CCDC6: variants seen among roughly 807,000 people sequenced by gnomAD.
CCDC6 encodes the protein coiled-coil domain-containing protein 6.
A neutral mutation model predicts 56.6 loss-of-function variants in CCDC6; 20 were observed. That is an observed-to-expected ratio of 0.35 (90% confidence interval 0.25 to 0.51). CCDC6 has a LOEUF of 0.51. Among genes scored for constraint, CCDC6 ranks in the 20% least tolerant of loss-of-function variants. CCDC6 has a pLI of 0.95. For synonymous variants in CCDC6, 241 were observed against 234.4 expected (o/e 1.03, Z -0.26); for missense variants, 367 against 601.1 (o/e 0.61, Z 4.07).
At chr10:59,865,552 T>C (rs1001526767) in intron 1 of CCDC6, among the ~76,000 whole-genome samples, 10 of 152,162 alleles carry the variant, frequency 6.6e-5, no homozygotes, top group African/African-American at 1.9e-4. Flanking sequence ...TGTAAATTGA[T>C]TGCAAAAGAA....
At chr10:59,852,256 G>A (rs1168184000) in intron 2 of CCDC6, among the ~76,000 whole-genome samples, 3 of 152,128 alleles carry the variant, frequency 2.0e-5, no homozygotes, top group Non-Finnish European at 2.9e-5. Flanking sequence ...TTTGGCATTA[G>A]TCCCCATACT....
rs140808327 is a variant in CCDC6, at chr10:59,889,803, C to T, written c.303+16319G>A. Among the ~76,000 whole-genome samples, 718 of 152,258 alleles carry T rather than the reference C, an allele frequency of 4.7e-3. 5 individuals carry two copies. Among genetic ancestry groups the T allele is most frequent in the South Asian group, 9.5e-3 (46 of 4,820 alleles). Reference sequence around the variant, plus strand: ...AGGGGAGTTCCAACTTCTTGGTGACCGCAGCCCCTGGGCTCTGATGGCACT... The same window carrying T: ...AGGGGAGTTCCAACTTCTTGGTGACTGCAGCCCCTGGGCTCTGATGGCACT... On this transcript the variant is annotated intron_variant, in intron 1 of 8. Coordinates refer to ENST00000263102, the MANE Select transcript of CCDC6 (RefSeq NM_005436.5).
intron 1 of CCDC6, among the ~76,000 whole-genome samples, chr10:59,862,532 C>T (rs1244235495): frequency 0.027 from 2,871 of 104,768 alleles, 333 homozygotes; most frequent in African/African-American, 0.12. Flanking sequence ...CACACACACA[C>T]ACACACACAC....
intron 1 of CCDC6, among the ~76,000 whole-genome samples, chr10:59,901,110 A>T (rs1243317241): frequency 6.6e-6 from 1 of 152,184 alleles, no homozygotes; most frequent in Non-Finnish European, 1.5e-5. Context: ...TATATGAAAC[A>T]CATAGAAGAT....
At chr10:59,851,471 T>C (rs1483678574) in intron 2 of CCDC6, among the ~76,000 whole-genome samples, 1 of 152,160 alleles carries the variant, frequency 6.6e-6, no homozygotes, top group African/African-American at 2.4e-5. Context: ...ATTAACAGTG[T>C]CTTTATTCAG....
In CCDC6 at chr10:59,876,197, C is replaced by T. The variant is rs527972469; in HGVS notation, c.304-23495G>A. Among the ~76,000 whole-genome samples, 92 of 150,880 alleles carry T rather than the reference C, an allele frequency of 6.1e-4. 1 individual carries two copies. The highest frequency in any genetic ancestry group is 2.0e-3 in the Admixed American group (30 of 15,058). On this transcript the variant is annotated intron_variant, in intron 1 of 8. Coordinates refer to ENST00000263102, the MANE Select transcript of CCDC6 (RefSeq NM_005436.5). ...CCTAGTAGCTGGTATTAAAGGCATG[C>T]ACTACCATGCCCGGCTAGTTTTTGT...
At chr10:59,849,415 G>T (rs985198368) in intron 2 of CCDC6, among the ~76,000 whole-genome samples, 1 of 152,168 alleles carries the variant, frequency 6.6e-6, no homozygotes, top group African/African-American at 2.4e-5. Context: ...AGGGCAAAGG[G>T]ATTTACTCTC....
At chr10:59,821,477 A>T (rs1000216558) in intron 3 of CCDC6, among the ~76,000 whole-genome samples, 1 of 152,066 alleles carries the variant, frequency 6.6e-6, no homozygotes, top group African/African-American at 2.4e-5. Flanking sequence ...ACTGTCTTTT[A>T]AAAAAAAGAC....
chr10:59,891,328 G>A (rs569278628), intron 1 of CCDC6, among the ~76,000 whole-genome samples: 1 of 152,036 alleles, frequency 6.6e-6, no homozygotes, highest in Non-Finnish European at 1.5e-5. Context: ...ATTGAAAGGA[G>A]GGAAAAATTC....
chr10:59,835,577 T>G (rs2070875168), intron 2 of CCDC6, among the ~76,000 whole-genome samples: 1 of 152,236 alleles, frequency 6.6e-6, no homozygotes, highest in Admixed American at 6.5e-5. Flanking sequence ...TTCTGAGATC[T>G]AACTCTGTTT....
At chr10:59,801,706 A>C (rs926954706) in intron 7 of CCDC6, among the ~76,000 whole-genome samples, 1 of 152,104 alleles carries the variant, frequency 6.6e-6, no homozygotes, top group Non-Finnish European at 1.5e-5. Flanking sequence ...TTAGTCATTT[A>C]TTCATATCAG....
At chr10:59,886,956 C>T (rs894955734) in intron 1 of CCDC6, among the ~76,000 whole-genome samples, 5 of 152,196 alleles carry the variant, frequency 3.3e-5, no homozygotes, top group Non-Finnish European at 7.3e-5. Flanking sequence ...ACCAGACTAC[C>T]AAAATCCAGT....
chr10:59,879,092 A>G (rs2071309455), intron 1 of CCDC6, among the ~76,000 whole-genome samples: 1 of 152,182 alleles, frequency 6.6e-6, no homozygotes, highest in Non-Finnish European at 1.5e-5. Flanking sequence ...CTCATTCAAC[A>G]GGTAAGGAGT....
chr10:59,868,430 GCCACTAGACC>G (rs2071196379), intron 1 of CCDC6, among the ~76,000 whole-genome samples: 1 of 152,080 alleles, frequency 6.6e-6, no homozygotes. Flanking sequence ...CCAGCCCGCC[GCCACTAGACC>G]GTTCCTGTGA....
intron 2 of CCDC6, among the ~76,000 whole-genome samples, chr10:59,847,805 T>G (rs187352891): frequency 6.7e-6 from 1 of 148,360 alleles, no homozygotes; most frequent in East Asian, 2.0e-4. Context: ...TTCTGGAGAA[T>G]AGCCTTTTAG....
chr10:59,793,803 C>T (rs1234236600), intron 8 of CCDC6, among the ~76,000 whole-genome samples: 3 of 151,052 alleles, frequency 2.0e-5, no homozygotes, highest in South Asian at 2.1e-4. Flanking sequence ...CCTACTTTTA[C>T]ATAAAGTCCA....
intron 3 of CCDC6, 67 bp from the exon 4 acceptor site, chr10:59,814,822 T>C (rs2070699221): frequency 9.5e-7 from 1 of 1,055,828 alleles, no homozygotes; most frequent in African/African-American, 1.6e-5. Flanking sequence ...CATTTTTTGA[T>C]TGAACAATTA....
At position 59,875,537 on chromosome 10, in the gene CCDC6, T is replaced by C. The variant is rs540952558; in HGVS notation, c.304-22835A>G. ...TGTGAATGCTGAGTCCTGCATACAG[T>C]TGGCACCTCAAGCACTAGCAGTTCA... On this transcript the variant is annotated intron_variant, in intron 1 of 8. Transcript: ENST00000263102. Among the ~76,000 whole-genome samples, 7 of 152,332 alleles carry C rather than the reference T, an allele frequency of 4.6e-5. No homozygotes were observed. The South Asian group carries it at 1.4e-3, about 32-fold the overall frequency.
intron 2 of CCDC6, among the ~76,000 whole-genome samples, chr10:59,835,156 C>T (rs1306780294): frequency 6.6e-6 from 1 of 152,182 alleles, no homozygotes; most frequent in Non-Finnish European, 1.5e-5. Context: ...AATATGTTTT[C>T]AACTGCTGCC....
Sources: gnomAD v4.1 joint callset for allele counts (sites outside exome capture counted in the v4.1 genomes callset) on GRCh38, gnomAD v4.1.1 for gene constraint, MANE v1.5 for transcripts, NCBI Gene and HGNC (gene_info 2026-07-23, HGNC 2026-07-21) for gene names.